Variants in OPHN1 observed in about 807,000 individuals in gnomAD.
The protein encoded by OPHN1 is oligophrenin-1.
A neutral mutation model predicts 60.7 loss-of-function variants in OPHN1; 11 were observed. The ratio of observed to expected loss-of-function variants is 0.18; its 90% CI spans 0.11 to 0.30. The LOEUF is 0.30. Ranked by LOEUF, OPHN1 falls within the 10% of genes least tolerant of loss-of-function variation. The probability of loss-of-function intolerance (pLI) is 1.00; values close to 1 mark genes in which losing one functional copy is unlikely to be tolerated. For missense variants in OPHN1, 449 were observed against 611.0 expected (o/e 0.73, Z 2.80); for synonymous variants, 226 against 222.6 (o/e 1.02, Z -0.14).
At chrX:68,408,957 T>C (rs967548753) in intron 2 of OPHN1, among the ~76,000 whole-genome samples, 1 of 112,050 alleles carries the variant, frequency 8.9e-6, no homozygotes, top group African/African-American at 3.2e-5. Context: ...CGAGACTCCG[T>C]CTCAAAAAAA....
chrX:68,416,067 T>TATAG (rs2078796884), intron 2 of OPHN1, among the ~76,000 whole-genome samples: 2 of 8,332 alleles, frequency 2.4e-4, no homozygotes, highest in Admixed American at 1.4e-3. Flanking sequence ...TATATATATA[T>TATAG]AGAGAGAGAG....
intron 15 of OPHN1, among the ~76,000 whole-genome samples, chrX:68,139,177 G>A (rs766918024): frequency 3.6e-5 from 4 of 111,510 alleles, no homozygotes; most frequent in Non-Finnish European, 7.5e-5. Flanking sequence ...AGAGGCTCGA[G>A]ACTTAACAAA....
At chrX:68,306,437 C>T (rs5964661) in intron 2 of OPHN1, among the ~76,000 whole-genome samples, 11,468 of 111,020 alleles carry the variant, frequency 0.1, 1,379 homozygotes, top group African/African-American at 0.35. Context: ...CAAACTTTAT[C>T]GAAAGATTGG....
rs1344772981 is a variant in OPHN1 at position 68,113,215 on chromosome X, G to T, written c.1386C>A (p.Thr462=). Residue 462 remains threonine, a synonymous_variant, in exon 17 of 25, where the codon ACC becomes ACA. Transcript: ENST00000355520. ...YLRNLSEPVM[T]YRLHKELVSA... The stretch of plus-strand genomic sequence containing the variant: ...AGACCAGCTCTTTGTGAAGTCTATA[G>T]GTCATGACAGGTTCAGAAAGATTCC... 1 of 1,207,481 alleles carries T rather than the reference G, an allele frequency of 8.3e-7. No homozygotes were observed.
At chrX:68,230,767 G>T (rs1299934863) in intron 6 of OPHN1, among the ~76,000 whole-genome samples, 1 of 77,553 alleles carries the variant, frequency 1.3e-5, no homozygotes, top group Non-Finnish European at 2.4e-5. Flanking sequence ...CTTGACGTGG[G>T]GTGGGGGGAG....
In OPHN1 at chrX:68,261,512, G is replaced by A. The variant is rs1369708275; in HGVS notation, c.384+13226C>T. On this transcript the variant is annotated intron_variant, in intron 5 of 24. Transcript: ENST00000355520. ...AGGCGGGGAAGTTGCATGATTATAGGAAGGCGAATAGTGGTGAGAACAGTT... is the reference window on the plus strand; with the variant it reads ...AGGCGGGGAAGTTGCATGATTATAGAAAGGCGAATAGTGGTGAGAACAGTT... 8.1e-5 allele frequency among the ~76,000 whole-genome samples: 9 copies of A among 111,025 alleles called. No homozygotes were observed. The Admixed American group carries it at 8.7e-4, about 11-fold the overall frequency.
At position 68,153,415 on chromosome X, in the gene OPHN1, GA is replaced by G. The variant is rs1192810048; in HGVS notation, c.1277-34084del. On this transcript the variant is annotated intron_variant, in intron 15 of 24. Transcript: ENST00000355520. Reference sequence around the variant, plus strand: ...AGTTTTGGTAGAGCTGAAAATAGGAGAAATGACTGAAATTCTGTAGAAGAAG... The same window carrying G: ...AGTTTTGGTAGAGCTGAAAATAGGAGAATGACTGAAATTCTGTAGAAGAAG... Among the ~76,000 whole-genome samples, 35 of 110,771 alleles carry G rather than the reference GA, an allele frequency of 3.2e-4. No homozygotes were observed. In the Admixed American group the frequency reaches 3.4e-3, roughly 11 times the overall value.
chrX:68,196,759 A>G (rs2077514432), intron 12 of OPHN1, among the ~76,000 whole-genome samples: 1 of 112,405 alleles, frequency 8.9e-6, no homozygotes, highest in Non-Finnish European at 1.9e-5. Context: ...GGTGAGGCAG[A>G]AAAATCATTC....
At chrX:68,261,333 A>G (rs1216653238) in intron 5 of OPHN1, among the ~76,000 whole-genome samples, 1 of 111,809 alleles carries the variant, frequency 8.9e-6, no homozygotes, top group African/African-American at 3.2e-5. Context: ...CCTCCCTGTC[A>G]TAAGGCTAGA....
chrX:68,112,061 G>T, intron 17 of OPHN1, 102 bp from the exon 18 acceptor site: 15 of 393,695 alleles, frequency 3.8e-5, no homozygotes, highest in East Asian at 1.3e-4. Context: ...ATGCACACAT[G>T]CACACACACA....
intron 20 of OPHN1, among the ~76,000 whole-genome samples, chrX:68,064,486 C>T (rs2076905936): frequency 8.9e-6 from 1 of 111,851 alleles, no homozygotes; most frequent in Non-Finnish European, 1.9e-5. Flanking sequence ...ACTTAAAGTC[C>T]CCAGTCAATG....
At chrX:68,199,273 A>G (rs1351484664) in intron 11 of OPHN1, among the ~76,000 whole-genome samples, 1 of 111,099 alleles carries the variant, frequency 9.0e-6, no homozygotes, top group Non-Finnish European at 1.9e-5. Flanking sequence ...AGGCTGGCAC[A>G]GGAGAATCAC....
intron 17 of OPHN1, 101 bp from the exon 18 acceptor site, chrX:68,112,060 T>TTCAC (rs2077106657): frequency 1.4e-5 from 5 of 367,835 alleles, no homozygotes; most frequent in Admixed American, 8.3e-5. Flanking sequence ...CATGCACACA[T>TTCAC]GCACACACAC....
chrX:68,169,330 A>T (rs1318874878), intron 15 of OPHN1, among the ~76,000 whole-genome samples: 1 of 111,669 alleles, frequency 9.0e-6, no homozygotes, highest in South Asian at 3.8e-4. Flanking sequence ...AGGAAGAATC[A>T]ATATTGTGAA....
intron 2 of OPHN1, among the ~76,000 whole-genome samples, chrX:68,395,903 T>C (rs191279097): frequency 2.7e-5 from 3 of 111,599 alleles, no homozygotes; most frequent in Non-Finnish European, 1.9e-5. Context: ...TTAAGTATTT[T>C]CTCTTTTCTG....
chrX:68,177,950 C>T (rs2077421088), intron 15 of OPHN1, among the ~76,000 whole-genome samples: 1 of 111,694 alleles, frequency 9.0e-6, no homozygotes, highest in South Asian at 3.8e-4. Flanking sequence ...AATGTTATGC[C>T]AATTGACTGG....
At chrX:68,277,560 C>T (rs745467289) in intron 4 of OPHN1, among the ~76,000 whole-genome samples, 4 of 112,296 alleles carry the variant, frequency 3.6e-5, no homozygotes, top group African/African-American at 1.3e-4. Context: ...GAAGCCGAGG[C>T]AGGTGAATCA....
rs774771620 is a variant in OPHN1, at chrX:68,112,101, G to A, written c.1421-142C>T. The A allele has an allele frequency of 5.1e-3, 2,092 of 412,838 alleles. 7 individuals carry two copies. The highest frequency in any genetic ancestry group is 0.016 in the Middle Eastern group (26 of 1,596). The allele number at this position is 412,838 out of a possible 1,213,427, so 34.0% of individuals were successfully genotyped here. On this transcript the variant is annotated intron_variant, in intron 17 of 24. Coordinates refer to ENST00000355520, the MANE Select transcript of OPHN1 (RefSeq NM_002547.3). ...CACACACACACACAGAGAGAGATTC[G>A]GAGAAAGACACCCAGAGACACACAC...
intron 15 of OPHN1, among the ~76,000 whole-genome samples, chrX:68,134,398 G>A (rs2077210595): frequency 9.0e-6 from 1 of 111,422 alleles, no homozygotes; most frequent in Non-Finnish European, 1.9e-5. Context: ...TGTGGTCCTA[G>A]ATCTACAAAT....
Sources: gnomAD v4.1 joint callset for allele counts (sites outside exome capture counted in the v4.1 genomes callset) on GRCh38, gnomAD v4.1.1 for gene constraint, MANE v1.5 for transcripts, NCBI Gene and HGNC (gene_info 2026-07-23, HGNC 2026-07-21) for gene names.